PCDHGC3: variants seen among roughly 807,000 people sequenced by gnomAD.
PCDHGC3 encodes the protein protocadherin gamma-C3.
A neutral mutation model predicts 59.2 loss-of-function variants in PCDHGC3; 26 were observed. The observed-to-expected ratio is 0.44, with a 90% CI of 0.32 to 0.61. PCDHGC3 has a LOEUF of 0.61. Ranked by LOEUF, PCDHGC3 falls within the 20% of genes least tolerant of loss-of-function variation. PCDHGC3 has a pLI of 0.05. For synonymous variants in PCDHGC3, 487 were observed against 519.7 expected (o/e 0.94, Z 0.86); for missense variants, 1,080 against 1,221.8 (o/e 0.88, Z 1.73).
At position 141,477,754 on chromosome 5, in the gene PCDHGC3, C is replaced by T. The variant is rs1325020341; in HGVS notation, c.1638C>T (p.Val546=). The T allele has an allele frequency of 3.7e-6, 6 of 1,613,928 alleles. No homozygotes were observed. Among genetic ancestry groups the T allele is most frequent in the Non-Finnish European group, 5.1e-6 (6 of 1,180,046 alleles). Residue 546 remains valine (V), a synonymous_variant, in exon 1 of 4, where the codon GTC becomes GTT. Coordinates refer to ENST00000308177, the MANE Select transcript of PCDHGC3 (RefSeq NM_002588.4). The surrounding 1 kb of genome is among the most constrained non-coding windows in gnomAD (Gnocchi z 4.9). The part of the protein sequence containing the change: ...TAHISDGGTP[V]LATNISVNIF... Reference sequence around the variant, plus strand: ...ATATCAGCGATGGGGGCACCCCGGTCCTAGCCACCAACATCAGCGTGAACA... The same window carrying T: ...ATATCAGCGATGGGGGCACCCCGGTTCTAGCCACCAACATCAGCGTGAACA...
chr5:141,486,909 C>T lies in PCDHGC3; in HGVS notation c.2431-7898C>T, dbSNP rs759702188. ...CGGCCTGGTTCCTTATGTCCCCAAGCACTGCCTCCATCAGTTGGTGCTGGC... is the reference window on the plus strand; with the variant it reads ...CGGCCTGGTTCCTTATGTCCCCAAGTACTGCCTCCATCAGTTGGTGCTGGC... On this transcript the variant is annotated intron_variant, in intron 1 of 3. Transcript: ENST00000308177. This position sits in a 1 kb window ranked among gnomAD's most constrained non-coding sequence, Gnocchi z 5.0. 2 of 1,614,262 alleles carry T rather than the reference C, an allele frequency of 1.2e-6. No homozygotes were observed. Among genetic ancestry groups the T allele is most frequent in the Non-Finnish European group, 1.7e-6 (2 of 1,180,054 alleles).
chr5:141,487,041 G>C lies in PCDHGC3; in HGVS notation c.2431-7766G>C, dbSNP rs149314216. On this transcript the variant is annotated intron_variant, in intron 1 of 3. Coordinates refer to ENST00000308177, the MANE Select transcript of PCDHGC3 (RefSeq NM_002588.4). The surrounding 1 kb of genome is among the most constrained non-coding windows in gnomAD (Gnocchi z 5.0). ...GATCCCAGCCTGTTTGCAGTCTCTC[G>C]ATATGCTGGGGAGGTGCGGACGGCT... 2.5e-6 allele frequency: 4 copies of C among 1,614,018 alleles called. No homozygotes were observed. Among genetic ancestry groups the C allele is most frequent in the South Asian group, 2.2e-5 (2 of 91,084 alleles).
At chr5:141,497,665 G>A (rs1011161465) in intron 2 of PCDHGC3, among the ~76,000 whole-genome samples, 3 of 151,348 alleles carry the variant, frequency 2.0e-5, no homozygotes, top group South Asian at 2.1e-4. Flanking sequence ...TCAGCCTCCC[G>A]AGTAGCTGGG....
rs781336795 is a variant in PCDHGC3, at chr5:141,477,936, C to T, written c.1820C>T (p.Ser607Phe). ...DADAGHNAWL[S>F]YSLLGSPNQS... Reference sequence around the variant, plus strand: ...GATGCAGGGCACAATGCCTGGCTCTCCTACAGTCTCTTGGGATCCCCTAAC... The same window carrying T: ...GATGCAGGGCACAATGCCTGGCTCTTCTACAGTCTCTTGGGATCCCCTAAC... The change falls in exon 1 of 4, where the codon TCC becomes TTC. Residue 607 changes from serine (S) to phenylalanine (F), a missense_variant. Transcript: ENST00000308177. This position sits in a 1 kb window ranked among gnomAD's most constrained non-coding sequence, Gnocchi z 4.9. 1.2e-6 allele frequency: 2 copies of T among 1,614,170 alleles called. No homozygotes were observed. The highest frequency in any genetic ancestry group is 1.1e-5 in the South Asian group (1 of 91,088).
At chr5:141,500,499 G>A (rs531501031) in intron 2 of PCDHGC3, among the ~76,000 whole-genome samples, 11 of 151,970 alleles carry the variant, frequency 7.2e-5, no homozygotes, top group African/African-American at 2.7e-4. Context: ...GTGAGCCACC[G>A]CGCCTGGCCG....
In PCDHGC3 at chr5:141,477,605, T is replaced by A. The variant is rs1339408637; in HGVS notation, c.1489T>A (p.Leu497Met). Residue 497 changes from leucine (L) to methionine (M), a missense_variant, in exon 1 of 4, where the codon TTG becomes ATG. Leu to Met is a conservative substitution (Grantham distance 15). Transcript: ENST00000308177. This position sits in a 1 kb window ranked among gnomAD's most constrained non-coding sequence, Gnocchi z 4.9. Reference protein sequence around the residue: ...PQNARLSFFLLEQGAETGLVG... With the variant: ...PQNARLSFFLMEQGAETGLVG... ...GAATGCTCGGCTTTCTTTCTTTCTCTTGGAGCAAGGAGCTGAAACCGGGCT... is the reference window on the plus strand; with the variant it reads ...GAATGCTCGGCTTTCTTTCTTTCTCATGGAGCAAGGAGCTGAAACCGGGCT... The A allele has an allele frequency of 6.2e-6, 10 of 1,614,102 alleles. No individual in the cohort carries two copies. In the South Asian group the frequency reaches 1.1e-4, roughly 18 times the overall value.
chr5:141,484,647 G>C (rs556711906), intron 1 of PCDHGC3, among the ~76,000 whole-genome samples: 1 of 151,948 alleles, frequency 6.6e-6, no homozygotes, highest in African/African-American at 2.4e-5. Context: ...CTCTCCAATG[G>C]CTACTCTCCC....
rs2099883697 is a variant in PCDHGC3, at chr5:141,511,284, G to T, written c.*111G>T. On this transcript the variant is annotated 3_prime_UTR_variant, in exon 4 of 4. Coordinates refer to ENST00000308177, the MANE Select transcript of PCDHGC3 (RefSeq NM_002588.4). ...AGGGCTAACCCCCAGAATACTGGTA[G>T]GGGCCAAGGCCATGCTCCCCTTGGG... 6.5e-7 allele frequency: 1 copy of T among 1,528,258 alleles called. No homozygotes were observed. Among genetic ancestry groups the T allele is most frequent in the African/African-American group, 1.4e-5 (1 of 72,674 alleles). 94.7% of individuals were successfully genotyped at this position (1,528,258 alleles called of 1,614,324 possible). A position where few individuals can be genotyped will look rare whatever the true frequency, so the allele number is the denominator to read the frequency against.
At position 141,486,238 on chromosome 5, in the gene PCDHGC3, G is replaced by C. The variant is rs1414434705; in HGVS notation, c.2430+7692G>C. 6.2e-7 allele frequency: 1 copy of C among 1,614,058 alleles called. No homozygotes were observed. The highest frequency in any genetic ancestry group is 8.5e-7 in the Non-Finnish European group (1 of 1,180,024). On this transcript the variant is annotated intron_variant, in intron 1 of 3. Coordinates refer to ENST00000308177, the MANE Select transcript of PCDHGC3 (RefSeq NM_002588.4). This position sits in a 1 kb window ranked among gnomAD's most constrained non-coding sequence, Gnocchi z 5.0. ...CCCCTTACATCACAGTGACCTCAGA[G>C]CTTGGAACCCTCCCCGAGAGTGCAG... is the stretch of plus-strand genomic sequence containing the variant.
intron 2 of PCDHGC3, among the ~76,000 whole-genome samples, chr5:141,498,421 A>C (rs1328848787): frequency 6.6e-6 from 1 of 152,016 alleles, no homozygotes; most frequent in Non-Finnish European, 1.5e-5. Flanking sequence ...CTGGCACTGG[A>C]GTGAGGGGAT....
intron 2 of PCDHGC3, among the ~76,000 whole-genome samples, chr5:141,504,141 T>C (rs1289360763): frequency 6.6e-6 from 1 of 152,192 alleles, no homozygotes; most frequent in East Asian, 1.9e-4. Flanking sequence ...AACACTCCCC[T>C]GCAAATTGAA....
Position 141,491,287 on chromosome 5 carries a change from C to T in PCDHGC3, c.2431-3520C>T, listed in dbSNP as rs1562145447. 2 of 1,614,030 alleles carry T rather than the reference C, an allele frequency of 1.2e-6. No homozygotes were observed. Among genetic ancestry groups the T allele is most frequent in the Admixed American group, 1.7e-5 (1 of 60,032 alleles). On this transcript the variant is annotated intron_variant, in intron 1 of 3. Coordinates refer to ENST00000308177, the MANE Select transcript of PCDHGC3 (RefSeq NM_002588.4). The surrounding 1 kb of genome is among the most constrained non-coding windows in gnomAD (Gnocchi z 6.9). ...GCCCAAATCCAGTGACTTCCTCATA[C>T]ACCCTCCTGAGCGTTCAGACCTTAC... is the stretch of plus-strand genomic sequence containing the variant.
intron 3 of PCDHGC3, among the ~76,000 whole-genome samples, chr5:141,510,329 A>G (rs1433056614): frequency 6.7e-6 from 1 of 150,230 alleles, no homozygotes; most frequent in South Asian, 2.1e-4. Context: ...AGCACTCTTC[A>G]CCCCCACCCC....
At chr5:141,498,352 C>T (rs1439698389) in intron 2 of PCDHGC3, among the ~76,000 whole-genome samples, 1 of 151,772 alleles carries the variant, frequency 6.6e-6, no homozygotes, top group Non-Finnish European at 1.5e-5. Flanking sequence ...AAAGCCTATG[C>T]AAAAGCCTTG....
At position 141,490,785 on chromosome 5, in the gene PCDHGC3, G is replaced by A. The variant is rs1021708826; in HGVS notation, c.2431-4022G>A. 1.2e-6 allele frequency: 2 copies of A among 1,614,066 alleles called. No individual in the cohort carries two copies. Among genetic ancestry groups the A allele is most frequent in the Non-Finnish European group, 1.7e-6 (2 of 1,179,952 alleles). On this transcript the variant is annotated intron_variant, in intron 1 of 3. Coordinates refer to ENST00000308177, the MANE Select transcript of PCDHGC3 (RefSeq NM_002588.4). The surrounding 1 kb of genome is among the most constrained non-coding windows in gnomAD (Gnocchi z 5.4). ...TGTATGTCAACCCAGAGGATGGACG[G>A]ATCTTTGCCCAGCGTACCTTTGACT...
In PCDHGC3 at chr5:141,477,813, A is replaced by T; in HGVS notation, c.1697A>T (p.Gln566Leu). ...ACTGATCGCAATGACAATGCCCCCC[A>T]GGTCCTATATCCTCGGCCAGGTGGG... Reference protein sequence around the residue: ...FVTDRNDNAPQVLYPRPGGSS... With the variant: ...FVTDRNDNAPLVLYPRPGGSS... Residue 566 changes from glutamine to leucine, a missense_variant, in exon 1 of 4, where the codon CAG becomes CTG. Gln to Leu is a moderately radical substitution (Grantham distance 113). Coordinates refer to ENST00000308177, the MANE Select transcript of PCDHGC3 (RefSeq NM_002588.4). The surrounding 1 kb of genome is among the most constrained non-coding windows in gnomAD (Gnocchi z 4.9). The T allele has an allele frequency of 6.2e-7, 1 of 1,614,122 alleles. No homozygotes were observed. The highest frequency in any genetic ancestry group is 1.1e-5 in the South Asian group (1 of 91,084).
chr5:141,492,851 C>T (rs1289268967), intron 1 of PCDHGC3, among the ~76,000 whole-genome samples: 2 of 152,204 alleles, frequency 1.3e-5, no homozygotes, highest in Non-Finnish European at 2.9e-5. Flanking sequence ...GTGAAAGCCT[C>T]GAGCGCCCTG....
Position 141,490,965 on chromosome 5 carries a change from C to G in PCDHGC3, c.2431-3842C>G. On this transcript the variant is annotated intron_variant, in intron 1 of 3. Coordinates refer to ENST00000308177, the MANE Select transcript of PCDHGC3 (RefSeq NM_002588.4). This position sits in a 1 kb window ranked among gnomAD's most constrained non-coding sequence, Gnocchi z 5.4. ...CACGGCCAGACTGGGAACACTCAGC[C>G]CCCCAGCGTCTCCCTCGCTCTGCTC... is the stretch of plus-strand genomic sequence containing the variant. 5 of 1,613,856 alleles carry G rather than the reference C, an allele frequency of 3.1e-6. No homozygotes were observed. The highest frequency in any genetic ancestry group is 3.3e-4 in the Middle Eastern group (2 of 6,062).
Position 141,489,819 on chromosome 5 carries a change from G to T in PCDHGC3, c.2431-4988G>T. On this transcript the variant is annotated intron_variant, in intron 1 of 3. Transcript: ENST00000308177. This position sits in a 1 kb window ranked among gnomAD's most constrained non-coding sequence, Gnocchi z 4.5. ...TAAAAGATGGGAAGCCATTCCCAGA[G>T]CTGGTGCTAGAGCAGCAGCTGGATC... 6.2e-7 allele frequency: 1 copy of T among 1,614,190 alleles called. No homozygotes were observed.
Sources: gnomAD v4.1 joint callset for allele counts (sites outside exome capture counted in the v4.1 genomes callset) on GRCh38, gnomAD v4.1.1 for gene constraint, Gnocchi (gnomAD v3.1) non-coding constraint, MANE v1.5 for transcripts, NCBI Gene and HGNC (gene_info 2026-07-23, HGNC 2026-07-21) for gene names.